ATP8B4: variants seen among roughly 807,000 people sequenced by gnomAD.
ATP8B4 encodes the protein probable phospholipid-transporting ATPase IM.
Under a neutral mutation model 145.6 loss-of-function variants are expected in ATP8B4, and 133 were observed. The observed-to-expected ratio is 0.91, with a 90% confidence interval of 0.79 to 1.05. ATP8B4 has a LOEUF of 1.05. Ranked by LOEUF, ATP8B4 falls within the 50% of genes least tolerant of loss-of-function variation. The probability of loss-of-function intolerance (pLI) is 0.00; values close to 1 mark genes in which losing one functional copy is unlikely to be tolerated. For missense variants in ATP8B4, 1,458 were observed against 1,425.2 expected (o/e 1.02, Z -0.37); for synonymous variants, 507 against 492.9 (o/e 1.03, Z -0.38).
At chr15:49,910,359 G>A (rs939845304) in intron 20 of ATP8B4, among the ~76,000 whole-genome samples, 2 of 152,160 alleles carry the variant, frequency 1.3e-5, no homozygotes, top group Non-Finnish European at 2.9e-5. Context: ...ACAACATAAA[G>A]CAACCACATA....
At chr15:50,147,492 C>T (rs1293331019) in intron 1 of ATP8B4, among the ~76,000 whole-genome samples, 1 of 151,856 alleles carries the variant, frequency 6.6e-6, no homozygotes, top group East Asian at 1.9e-4. Flanking sequence ...CAATAACCCT[C>T]CTGCAGAAGG....
Position 49,934,123 on chromosome 15 carries a change from A to G in ATP8B4, c.1347T>C (p.Phe449=). ...KSQADREFQF[F]DHHLMESIKM... is the part of the protein sequence containing the mutation. ...TAATGGATTCCATCAGATGGTGGTC[A>G]AAGAACTGAAATTCTCTATCCGCTT... The change falls in exon 15 of 28, where the codon TTT becomes TTC. Residue 449 remains phenylalanine (F), a synonymous_variant. Transcript: ENST00000284509. 6.2e-7 allele frequency: 1 copy of G among 1,612,732 alleles called. No individual in the cohort carries two copies. Among genetic ancestry groups the G allele is most frequent in the Non-Finnish European group, 8.5e-7 (1 of 1,179,250 alleles).
At chr15:49,956,739 G>T (rs1202610144) in intron 14 of ATP8B4, among the ~76,000 whole-genome samples, 1 of 152,058 alleles carries the variant, frequency 6.6e-6, no homozygotes, top group Non-Finnish European at 1.5e-5. Flanking sequence ...TAGAGACAGG[G>T]TCTCACTATG....
intron 1 of ATP8B4, among the ~76,000 whole-genome samples, chr15:50,170,844 T>C (rs1343187038): frequency 6.6e-6 from 1 of 152,128 alleles, no homozygotes; most frequent in African/African-American, 2.4e-5. Context: ...CACATAAACT[T>C]ACAGTAATGG....
intron 2 of ATP8B4, among the ~76,000 whole-genome samples, chr15:50,094,008 G>A (rs2055788383): frequency 6.6e-6 from 1 of 152,016 alleles, no homozygotes; most frequent in African/African-American, 2.4e-5. Context: ...CAAACCAAAA[G>A]GAGAAATACA....
At chr15:50,020,033 C>T (rs1363641965) in intron 6 of ATP8B4, among the ~76,000 whole-genome samples, 1 of 151,910 alleles carries the variant, frequency 6.6e-6, no homozygotes, top group Non-Finnish European at 1.5e-5. Context: ...TCTCTGCTTG[C>T]TGCAGCCTTG....
chr15:49,985,391 C>T (rs1025013863), intron 10 of ATP8B4, among the ~76,000 whole-genome samples: 2 of 152,182 alleles, frequency 1.3e-5, no homozygotes, highest in East Asian at 3.9e-4. Context: ...CCACCGCGCC[C>T]AGCAGATATT....
intron 10 of ATP8B4, 33 bp downstream of exon 10, chr15:49,987,357 TC>T (rs1567148694): frequency 6.2e-7 from 1 of 1,604,556 alleles, no homozygotes; most frequent in South Asian, 1.1e-5. Context: ...CAGGAAAGGT[TC>T]CCACAGAGCT....
At chr15:50,150,558 G>A (rs987311243) in intron 1 of ATP8B4, among the ~76,000 whole-genome samples, 1 of 152,186 alleles carries the variant, frequency 6.6e-6, no homozygotes, top group Non-Finnish European at 1.5e-5. Context: ...TGGTGACTAC[G>A]AGTCATACTG....
At chr15:49,919,131 G>A (rs2040019586) in intron 18 of ATP8B4, among the ~76,000 whole-genome samples, 181 bp from the exon 19 acceptor site, 1 of 152,198 alleles carries the variant, frequency 6.6e-6, no homozygotes, top group South Asian at 2.1e-4. Context: ...ACTCCAGAAG[G>A]AAGTTCCCAA....
intron 1 of ATP8B4, among the ~76,000 whole-genome samples, chr15:50,167,135 T>C (rs2044607611): frequency 6.6e-6 from 1 of 152,252 alleles, no homozygotes. Context: ...TGGACTTTTT[T>C]TCACCATTGT....
chr15:50,105,050 T>C lies in ATP8B4; in HGVS notation c.28+1889A>G, dbSNP rs183768104. On this transcript the variant is annotated intron_variant, in intron 2 of 27. Transcript: ENST00000284509. ...TCACCCATAAGTGGGAGCTAAGCTA[T>C]GAGGATGCAAAGGCATAAGAATGAT... Among the ~76,000 whole-genome samples the C allele has an allele frequency of 8.6e-5, 13 of 152,022 alleles. No individual in the cohort carries two copies. In the East Asian group the frequency reaches 2.5e-3, roughly 29 times the overall value.
intron 6 of ATP8B4, among the ~76,000 whole-genome samples, chr15:50,020,015 T>C (rs2049410903): frequency 6.6e-6 from 1 of 151,924 alleles, no homozygotes; most frequent in African/African-American, 2.4e-5. Flanking sequence ...CTGGAGTGCA[T>C]GGCATGATCT....
At chr15:50,062,404 C>G (rs911819908) in intron 3 of ATP8B4, among the ~76,000 whole-genome samples, 27 of 152,196 alleles carry the variant, frequency 1.8e-4, no homozygotes, top group African/African-American at 6.3e-4. Flanking sequence ...TGAAGCCTCC[C>G]CAGAAGCAGA....
intron 26 of ATP8B4, among the ~76,000 whole-genome samples, chr15:49,864,999 C>T (rs906370002): frequency 6.6e-6 from 1 of 152,122 alleles, no homozygotes; most frequent in African/African-American, 2.4e-5. Flanking sequence ...TGATATGTGT[C>T]TTTTTATTTG....
chr15:50,110,774 G>A (rs1210155899), intron 1 of ATP8B4, among the ~76,000 whole-genome samples: 1 of 152,178 alleles, frequency 6.6e-6, no homozygotes, highest in Non-Finnish European at 1.5e-5. Flanking sequence ...ATCCTAGAGG[G>A]TTGCTTTTAA....
intron 19 of ATP8B4, 33 bp downstream of exon 19, chr15:49,918,806 T>G: frequency 2.0e-6 from 3 of 1,510,574 alleles, no homozygotes; most frequent in Non-Finnish European, 2.7e-6. Context: ...CTCCCCATTT[T>G]CAAAATATCA....
At chr15:50,137,248 T>C (rs4774556) in intron 1 of ATP8B4, among the ~76,000 whole-genome samples, 49,200 of 152,186 alleles carry the variant, frequency 0.32, 9,273 homozygotes, top group Middle Eastern at 0.49. Flanking sequence ...GTTACCCAAG[T>C]GGAGTTACCT....
At chr15:50,036,439 T>C (rs1279228538) in intron 6 of ATP8B4, among the ~76,000 whole-genome samples, 1 of 152,140 alleles carries the variant, frequency 6.6e-6, no homozygotes, top group African/African-American at 2.4e-5. Flanking sequence ...ATAGAAGTAA[T>C]GCACATGGGT....
Sources: gnomAD v4.1 joint callset for allele counts (sites outside exome capture counted in the v4.1 genomes callset) on GRCh38, gnomAD v4.1.1 for gene constraint, MANE v1.5 for transcripts, NCBI Gene and HGNC (gene_info 2026-07-23, HGNC 2026-07-21) for gene names.